Variants in XPO4 observed in about 807,000 individuals in gnomAD.
XPO4 encodes exportin 4, also known as exportin-4.
In XPO4, 39 loss-of-function variants were observed where a neutral mutation model predicts 143.0. That is an observed-to-expected ratio of 0.27 (90% confidence interval 0.21 to 0.36). XPO4 has a LOEUF of 0.36. Among genes scored for constraint, XPO4 ranks in the 10% least tolerant of loss-of-function variants. XPO4 has a pLI of 1.00. For missense variants in XPO4, 907 were observed against 1,348.0 expected, an observed-to-expected ratio of 0.67 and a Z score of 5.12; for synonymous variants, 439 against 474.0, an observed-to-expected ratio of 0.93 and a Z score of 0.96.
intron 7 of XPO4, among the ~76,000 whole-genome samples, chr13:20,826,086 A>G (rs2059781063): frequency 1.3e-5 from 2 of 152,236 alleles, no homozygotes; most frequent in South Asian, 4.1e-4. Flanking sequence ...GCTTCTGTCC[A>G]CGTCATTATA....
intron 16 of XPO4, among the ~76,000 whole-genome samples, chr13:20,798,516 C>G (rs1425178600): frequency 6.6e-6 from 1 of 152,112 alleles, no homozygotes; most frequent in Non-Finnish European, 1.5e-5. Flanking sequence ...GCATCTTATT[C>G]AAGACAGGAG....
At chr13:20,871,250 A>G (rs973014193) in intron 1 of XPO4, among the ~76,000 whole-genome samples, 2 of 152,190 alleles carry the variant, frequency 1.3e-5, no homozygotes, top group Non-Finnish European at 2.9e-5. Flanking sequence ...GCATGATCTC[A>G]GCTCACTGCA....
At chr13:20,821,921 AAATT>A (rs761685606) in intron 8 of XPO4, 43 bp from the exon 9 acceptor site, 1 of 1,541,378 alleles carries the variant, frequency 6.5e-7, no homozygotes, top group East Asian at 2.3e-5. Context: ...AGTAAAAGAA[AAATT>A]ATTAATATAA....
chr13:20,860,868 C>T (rs2060190182), intron 3 of XPO4, among the ~76,000 whole-genome samples: 1 of 152,042 alleles, frequency 6.6e-6, no homozygotes, highest in South Asian at 2.1e-4. Flanking sequence ...GACACATTAT[C>T]CACTAAACCT....
At chr13:20,856,339 A>C in intron 3 of XPO4, 8 of 985,338 alleles carry the variant, frequency 8.1e-6, no homozygotes, top group Non-Finnish European at 9.6e-6. Context: ...AAACATTCAA[A>C]ATGTTCATAT....
intron 13 of XPO4, among the ~76,000 whole-genome samples, chr13:20,807,231 T>C (rs974337142): frequency 7.2e-5 from 11 of 152,206 alleles, no homozygotes; most frequent in African/African-American, 2.7e-4. Context: ...AATTTGACAT[T>C]ACTTTTCTTC....
intron 7 of XPO4, among the ~76,000 whole-genome samples, chr13:20,825,466 A>G (rs1156378917): frequency 6.6e-6 from 1 of 152,262 alleles, no homozygotes; most frequent in Non-Finnish European, 1.5e-5. Flanking sequence ...TGCTTAAGTG[A>G]AAATAGCTAC....
intron 6 of XPO4, among the ~76,000 whole-genome samples, chr13:20,834,368 A>C (rs1457009286): frequency 2.6e-5 from 4 of 152,132 alleles, no homozygotes; most frequent in Non-Finnish European, 5.9e-5. Context: ...CAATTGAATA[A>C]TAAAAAAATA....
intron 16 of XPO4, among the ~76,000 whole-genome samples, chr13:20,798,413 T>C (rs951270942): frequency 1.3e-5 from 2 of 152,164 alleles, no homozygotes; most frequent in Non-Finnish European, 2.9e-5. Flanking sequence ...ACCTTATAGC[T>C]TGGACTTCTA....
chr13:20,783,818 G>A lies in XPO4; in HGVS notation c.3360C>T (p.Ser1120=), dbSNP rs1176568307. The A allele has an allele frequency of 6.2e-7, 1 of 1,614,220 alleles. No individual in the cohort carries two copies. Among genetic ancestry groups the A allele is most frequent in the Non-Finnish European group, 8.5e-7 (1 of 1,180,026 alleles). The change falls in exon 23 of 23, where the codon AGC becomes AGT. Residue 1120 remains serine, a synonymous_variant. Coordinates refer to ENST00000255305, the MANE Select transcript of XPO4 (RefSeq NM_022459.5). ...GCTTCCGATCCAGCGTAGGAGGAGTGCTGCTTGCAGTGAGCTTGTTGAAGG... is the reference window on the plus strand; with the variant it reads ...GCTTCCGATCCAGCGTAGGAGGAGTACTGCTTGCAGTGAGCTTGTTGAAGG... The part of the protein sequence containing the change: ...ADAFNKLTAS[S]TPPTLDRKQK...
intron 1 of XPO4, among the ~76,000 whole-genome samples, chr13:20,880,526 C>T (rs957583313): frequency 6.6e-6 from 1 of 152,120 alleles, no homozygotes; most frequent in Non-Finnish European, 1.5e-5. Context: ...TCATATAAGC[C>T]GGTAATTCTA....
chr13:20,800,133 T>A, intron 15 of XPO4, 23 bp downstream of exon 15: 10 of 1,613,378 alleles, frequency 6.2e-6, no homozygotes, highest in Non-Finnish European at 8.5e-6. Context: ...ACACACACAG[T>A]CAGCCTCCAA....
rs184448714 is a variant in XPO4, at chr13:20,804,202, T to A, written c.1818-3212A>T. 1.7e-4 allele frequency among the ~76,000 whole-genome samples: 26 copies of A among 150,672 alleles called. No individual in the cohort carries two copies. The East Asian group carries it at 4.9e-3, about 28-fold the overall frequency. ...TACATACACTATATATATCTATATA[T>A]ATACACACATTATATATATATACAC... On this transcript the variant is annotated intron_variant, in intron 13 of 22. Coordinates refer to ENST00000255305, the MANE Select transcript of XPO4 (RefSeq NM_022459.5).
At chr13:20,870,652 C>T (rs920228861) in intron 1 of XPO4, among the ~76,000 whole-genome samples, 7 of 151,168 alleles carry the variant, frequency 4.6e-5, no homozygotes, top group Admixed American at 4.6e-4. Flanking sequence ...ATCGCTTGAA[C>T]GCAGGAGGCA....
At chr13:20,834,836 C>T (rs2059897684) in intron 6 of XPO4, among the ~76,000 whole-genome samples, 2 of 152,062 alleles carry the variant, frequency 1.3e-5, no homozygotes, top group Non-Finnish European at 2.9e-5. Flanking sequence ...TGATGTGTAC[C>T]TGTGGTTCTA....
chr13:20,826,197 G>A (rs1039970882), intron 7 of XPO4, among the ~76,000 whole-genome samples: 2 of 152,070 alleles, frequency 1.3e-5, no homozygotes, highest in African/African-American at 4.8e-5. Context: ...GTTTTATTGG[G>A]GATACACACT....
intron 9 of XPO4, among the ~76,000 whole-genome samples, chr13:20,813,695 T>C (rs748462403): frequency 1.3e-5 from 2 of 152,142 alleles, no homozygotes; most frequent in Non-Finnish European, 2.9e-5. Context: ...TGGTGGCTCA[T>C]GCCTGTAATC....
At chr13:20,822,650 T>C (rs1348305460) in intron 7 of XPO4, among the ~76,000 whole-genome samples, 1 of 152,238 alleles carries the variant, frequency 6.6e-6, no homozygotes, top group Admixed American at 6.5e-5. Context: ...CTACAGCTTC[T>C]TGCTAAACTT....
chr13:20,864,731 G>A (rs999305347), intron 2 of XPO4, among the ~76,000 whole-genome samples: 4 of 152,106 alleles, frequency 2.6e-5, no homozygotes, highest in African/African-American at 2.4e-5. Context: ...TTGGATGTGA[G>A]GGGGCAGTTA....
Sources: allele counts gnomAD v4.1 joint callset (sites outside exome capture counted in the v4.1 genomes callset), GRCh38; gene constraint gnomAD v4.1.1; transcripts MANE v1.5; gene names NCBI Gene and HGNC (gene_info 2026-07-23, HGNC 2026-07-21).